The following TMEM232 variants were observed in gnomAD, a reference collection of about 807,000 sequenced individuals.
The protein encoded by TMEM232 is transmembrane protein 232.
Under a neutral mutation model 78.8 loss-of-function variants are expected in TMEM232, and 80 were observed. That is an observed-to-expected ratio of 1.01 (90% CI 0.85 to 1.22). The LOEUF is 1.22. Among genes scored for constraint, TMEM232 ranks in the 50% most tolerant of loss-of-function variants. The probability of loss-of-function intolerance (pLI) is 0.00; values close to 1 mark genes in which losing one functional copy is unlikely to be tolerated. For missense variants in TMEM232, 881 were observed against 742.2 expected (o/e 1.19, Z -2.17); for synonymous variants, 297 against 254.3 (o/e 1.17, Z -1.60).
At chr5:110,443,907 C>T (rs1220330954) in intron 12 of TMEM232, among the ~76,000 whole-genome samples, 1 of 152,158 alleles carries the variant, frequency 6.6e-6, no homozygotes, top group Non-Finnish European at 1.5e-5. Flanking sequence ...ATGGGAGTCT[C>T]ATGACTCTGC....
intron 2 of TMEM232, among the ~76,000 whole-genome samples, chr5:110,643,260 T>C (rs1415150082): frequency 6.6e-6 from 1 of 151,954 alleles, no homozygotes; most frequent in East Asian, 1.9e-4. Flanking sequence ...GTATTGGACA[T>C]GTTATGTTTG....
chr5:110,653,066 A>C (rs1288721246), intron 2 of TMEM232, among the ~76,000 whole-genome samples: 1 of 152,192 alleles, frequency 6.6e-6, no homozygotes, highest in South Asian at 2.1e-4. Context: ...TATTTAATGA[A>C]AGCCTCCTAC....
chr5:110,429,055 G>A (rs1382399794), intron 12 of TMEM232, among the ~76,000 whole-genome samples: 1 of 151,836 alleles, frequency 6.6e-6, no homozygotes, highest in Non-Finnish European at 1.5e-5. Context: ...ATTGCAAGGG[G>A]AAGTTGTTAT....
At chr5:110,574,070 T>C (rs1027445791) in intron 10 of TMEM232, among the ~76,000 whole-genome samples, 1 of 152,034 alleles carries the variant, frequency 6.6e-6, no homozygotes, top group Non-Finnish European at 1.5e-5. Context: ...AGATGCTTGT[T>C]AAATATTAGT....
intron 12 of TMEM232, among the ~76,000 whole-genome samples, chr5:110,500,298 AAAAAAAAAAG>A (rs1324349363): frequency 6.6e-6 from 1 of 151,082 alleles, no homozygotes; most frequent in African/African-American, 2.4e-5. Context: ...CAAAAAAAAA[AAAAAAAAAAG>A]AAAGAAAGAA....
chr5:110,693,050 C>A (rs1007963184), intron 1 of TMEM232, among the ~76,000 whole-genome samples: 14 of 152,144 alleles, frequency 9.2e-5, no homozygotes, highest in Admixed American at 2.6e-4. Flanking sequence ...TGGGAAGCAC[C>A]CCCCAGTAGG....
At chr5:110,420,876 C>T (rs1756561749) in intron 13 of TMEM232, 120 bp from the exon 14 acceptor site, 2 of 1,351,794 alleles carry the variant, frequency 1.5e-6, no homozygotes, top group Non-Finnish European at 1.9e-6. Flanking sequence ...CCATGACATT[C>T]CTCAAAAATT....
At chr5:110,465,487 C>T (rs1761975474) in intron 12 of TMEM232, among the ~76,000 whole-genome samples, 1 of 152,108 alleles carries the variant, frequency 6.6e-6, no homozygotes, top group Non-Finnish European at 1.5e-5. Flanking sequence ...TGTGAAAGTA[C>T]CACAGCATTA....
At chr5:110,432,990 T>C (rs1181092602) in intron 12 of TMEM232, among the ~76,000 whole-genome samples, 1 of 151,776 alleles carries the variant, frequency 6.6e-6, no homozygotes, top group Non-Finnish European at 1.5e-5. Context: ...ATAAAACACT[T>C]ACTTCTAGCC....
chr5:110,622,041 T>A (rs1036265863), intron 7 of TMEM232, among the ~76,000 whole-genome samples: 1 of 152,196 alleles, frequency 6.6e-6, no homozygotes, highest in Non-Finnish European at 1.5e-5. Flanking sequence ...CTGGGTTTCA[T>A]GTAGTTTTCA....
At chr5:110,571,396 A>G (rs1776921393) in intron 10 of TMEM232, among the ~76,000 whole-genome samples, 1 of 152,060 alleles carries the variant, frequency 6.6e-6, no homozygotes, top group African/African-American at 2.4e-5. Context: ...AAAACTGGGA[A>G]AGTCCACAGC....
At chr5:110,653,134 A>T (rs1009401820) in intron 2 of TMEM232, among the ~76,000 whole-genome samples, 1 of 152,252 alleles carries the variant, frequency 6.6e-6, no homozygotes, top group African/African-American at 2.4e-5. Flanking sequence ...GCCTGGCCTC[A>T]GGAAGTTCCC....
intron 12 of TMEM232, among the ~76,000 whole-genome samples, chr5:110,426,833 C>CAAAG (rs1757294160): frequency 1.3e-5 from 2 of 151,936 alleles, no homozygotes; most frequent in Admixed American, 6.6e-5. Context: ...TTTTGGTATT[C>CAAAG]AAAGAATTGT....
At chr5:110,516,688 CA>C (rs1278111653) in intron 12 of TMEM232, among the ~76,000 whole-genome samples, 48 of 151,224 alleles carry the variant, frequency 3.2e-4, no homozygotes, top group Non-Finnish European at 6.0e-4. Flanking sequence ...ATTCAACATA[CA>C]AAAGCAAAAT....
chr5:110,701,999 A>G (rs561935385), intron 1 of TMEM232, among the ~76,000 whole-genome samples: 2 of 152,110 alleles, frequency 1.3e-5, no homozygotes, highest in South Asian at 4.1e-4. Flanking sequence ...GAATTCTTGT[A>G]TACCCCACTC....
rs868704087 is a variant in TMEM232 at position 110,409,928 on chromosome 5, A to C, written n.309-12074T>G. Among the ~76,000 whole-genome samples the C allele has an allele frequency of 9.8e-5, 15 of 152,320 alleles. No individual in the cohort carries two copies. The South Asian group carries it at 2.1e-3, about 21-fold the overall frequency. ...ATACTAAGGGAACACGCCTAACTAA[A>C]GCCCCATCCCCTTCCCCAACTGTAC... On this transcript the variant is annotated intron_variant and non_coding_transcript_variant, in intron 2 of 8. Transcript: ENST00000507188.
intron 12 of TMEM232, among the ~76,000 whole-genome samples, chr5:110,470,255 G>GAGTT (rs763220454): frequency 5.3e-5 from 8 of 152,116 alleles, no homozygotes; most frequent in Non-Finnish European, 1.0e-4. Flanking sequence ...CGTAGGGTCA[G>GAGTT]AGTTATAGCT....
chr5:110,708,497 A>C (rs1326224971), intron 1 of TMEM232, among the ~76,000 whole-genome samples: 1 of 152,200 alleles, frequency 6.6e-6, no homozygotes, highest in Non-Finnish European at 1.5e-5. Context: ...GAAAAACTAA[A>C]AGATGAACCA....
chr5:110,563,616 AG>A (rs1265635269), intron 11 of TMEM232, among the ~76,000 whole-genome samples: 1 of 151,910 alleles, frequency 6.6e-6, no homozygotes, highest in African/African-American at 2.4e-5. Flanking sequence ...AATTTTTTTA[AG>A]GTCCAACAAA....
Sources: allele counts gnomAD v4.1 joint callset (sites outside exome capture counted in the v4.1 genomes callset), GRCh38; gene constraint gnomAD v4.1.1; transcripts MANE v1.5; gene names NCBI Gene and HGNC (gene_info 2026-07-23, HGNC 2026-07-21).